The following BMPR1B variants were observed in gnomAD, a reference collection of about 807,000 sequenced individuals.
BMPR1B encodes the protein bone morphogenetic protein receptor type 1B, also known as bone morphogenetic protein receptor type-1B.
BMPR1B carries 12 observed loss-of-function variants against 59.1 expected under a neutral mutation model. The ratio of observed to expected loss-of-function variants is 0.20; its 90% CI spans 0.13 to 0.33. The LOEUF (loss-of-function observed/expected upper bound fraction) is 0.33, where lower values mean the gene tolerates loss of function less well. Ranked by LOEUF, BMPR1B falls within the 10% of genes least tolerant of loss-of-function variation. The probability of loss-of-function intolerance (pLI) is 1.00; values close to 1 mark genes in which losing one functional copy is unlikely to be tolerated. For synonymous variants in BMPR1B, 237 were observed against 207.3 expected, an observed-to-expected ratio of 1.14 and a Z score of -1.23; for missense variants, 550 against 610.9, an observed-to-expected ratio of 0.90 and a Z score of 1.05.
chr4:95,038,813 C>A (rs910839040), intron 3 of BMPR1B, among the ~76,000 whole-genome samples: 1 of 152,036 alleles, frequency 6.6e-6, no homozygotes, highest in Non-Finnish European at 1.5e-5. Context: ...TTTTGGGAGA[C>A]CTCAGAGAGG....
At chr4:95,151,289 G>A (rs1029255438) in intron 11 of BMPR1B, among the ~76,000 whole-genome samples, 2 of 152,156 alleles carry the variant, frequency 1.3e-5, no homozygotes, top group Admixed American at 1.3e-4. Flanking sequence ...CTCTGCCTTC[G>A]TCTGTTGTAG....
chr4:94,954,697 T>G (rs2149059087), intron 2 of BMPR1B, among the ~76,000 whole-genome samples: 1 of 152,324 alleles, frequency 6.6e-6, no homozygotes, highest in South Asian at 2.1e-4. Flanking sequence ...TTATATTTTC[T>G]GTGTCTCCCT....
intron 3 of BMPR1B, among the ~76,000 whole-genome samples, chr4:95,023,604 C>G (rs773313639): frequency 6.6e-6 from 1 of 151,768 alleles, no homozygotes; most frequent in African/African-American, 2.4e-5. Context: ...CCAGGCTGGT[C>G]TTGAACTCCT....
chr4:94,829,750 G>A (rs1297541064), intron 1 of BMPR1B, among the ~76,000 whole-genome samples: 2 of 152,194 alleles, frequency 1.3e-5, no homozygotes, highest in Non-Finnish European at 1.5e-5. Flanking sequence ...AGTCCAAGGT[G>A]CTAAGGGAAA....
chr4:94,823,998 G>A (rs1724299650), intron 1 of BMPR1B, among the ~76,000 whole-genome samples: 1 of 152,118 alleles, frequency 6.6e-6, no homozygotes, highest in South Asian at 2.1e-4. Flanking sequence ...CACCCGCCTT[G>A]GCCTCCCAAA....
At chr4:94,886,315 T>A (rs1291779402) in intron 2 of BMPR1B, among the ~76,000 whole-genome samples, 1 of 152,194 alleles carries the variant, frequency 6.6e-6, no homozygotes, top group East Asian at 1.9e-4. Context: ...GAAGTCTGGT[T>A]TAAATTTTTT....
intron 2 of BMPR1B, among the ~76,000 whole-genome samples, chr4:94,913,191 A>G (rs931550530): frequency 2.0e-5 from 3 of 152,146 alleles, no homozygotes; most frequent in Non-Finnish European, 4.4e-5. Flanking sequence ...ACATATATGT[A>G]TAGTGTAGCT....
At chr4:94,804,456 A>G (rs1191695802) in intron 1 of BMPR1B, among the ~76,000 whole-genome samples, 2 of 152,216 alleles carry the variant, frequency 1.3e-5, no homozygotes, top group African/African-American at 2.4e-5. Flanking sequence ...ATTGATTTCT[A>G]ATAGAAAATA....
intron 3 of BMPR1B, among the ~76,000 whole-genome samples, chr4:95,043,131 C>T (rs1381472591): frequency 3.0e-5 from 4 of 133,772 alleles, no homozygotes; most frequent in African/African-American, 8.2e-5. Context: ...GCCGAGATTG[C>T]GCCACTGCAG....
intron 2 of BMPR1B, among the ~76,000 whole-genome samples, chr4:94,948,398 T>C (rs1295065493): frequency 6.6e-6 from 1 of 152,190 alleles, no homozygotes; most frequent in Non-Finnish European, 1.5e-5. Flanking sequence ...TTCATAGTTC[T>C]TTGAGTCTGT....
At chr4:94,901,401 G>A (rs1344116687) in intron 2 of BMPR1B, among the ~76,000 whole-genome samples, 1 of 151,928 alleles carries the variant, frequency 6.6e-6, no homozygotes, top group Non-Finnish European at 1.5e-5. Flanking sequence ...TTGTGGAGAA[G>A]GAGTGCCTAA....
chr4:95,114,232 T>C (rs887296483), intron 4 of BMPR1B, among the ~76,000 whole-genome samples: 26 of 152,264 alleles, frequency 1.7e-4, no homozygotes, highest in African/African-American at 6.0e-4. Context: ...GTATAAACAG[T>C]CACCTGCCTG....
At chr4:94,771,622 TTAAA>T (rs1406937307) in intron 1 of BMPR1B, among the ~76,000 whole-genome samples, 1 of 152,210 alleles carries the variant, frequency 6.6e-6, no homozygotes, top group Non-Finnish European at 1.5e-5. Context: ...ATTTTGAACT[TTAAA>T]TGATGTAATC....
At chr4:95,014,540 T>C (rs550610785) in intron 3 of BMPR1B, among the ~76,000 whole-genome samples, 6 of 152,344 alleles carry the variant, frequency 3.9e-5, no homozygotes, top group Non-Finnish European at 8.8e-5. Context: ...TTGTAGCTTA[T>C]ACAGAGTGAA....
intron 1 of BMPR1B, among the ~76,000 whole-genome samples, chr4:94,829,048 A>G (rs1276648088): frequency 1.3e-5 from 2 of 152,032 alleles, no homozygotes; most frequent in Admixed American, 6.6e-5. Context: ...GTATAATGAA[A>G]AAGGTGTTGA....
intron 2 of BMPR1B, among the ~76,000 whole-genome samples, chr4:94,961,220 A>G (rs1055475365): frequency 2.0e-5 from 3 of 152,142 alleles, no homozygotes; most frequent in Non-Finnish European, 4.4e-5. Context: ...GATGGTCTGC[A>G]GGCCAAATCT....
At chr4:94,834,677 A>G (rs759381801) in intron 1 of BMPR1B, among the ~76,000 whole-genome samples, 15 of 147,502 alleles carry the variant, frequency 1.0e-4, no homozygotes, top group Admixed American at 3.4e-4. Flanking sequence ...ACTGGAACCA[A>G]TAAAACGGTT....
At chr4:94,908,061 T>TTAAAAAAAAAAAAAAAAAAAAAAAA (rs1728115989) in intron 2 of BMPR1B, among the ~76,000 whole-genome samples, 1 of 46,256 alleles carries the variant, frequency 2.2e-5, no homozygotes, top group African/African-American at 7.2e-5. Flanking sequence ...ACCCTGTCTT[T>TTAAAAAAAAAAAAAAAAAAAAAAAA]AAAAAAAAAA....
chr4:94,943,209 C>T (rs939461107), intron 2 of BMPR1B, among the ~76,000 whole-genome samples: 7 of 151,626 alleles, frequency 4.6e-5, no homozygotes, highest in African/African-American at 1.5e-4. Flanking sequence ...GGCACGATCT[C>T]GGCTCACCGC....
Sources: gnomAD v4.1 joint callset for allele counts (sites outside exome capture counted in the v4.1 genomes callset) on GRCh38, gnomAD v4.1.1 for gene constraint, MANE v1.5 for transcripts, NCBI Gene and HGNC (gene_info 2026-07-23, HGNC 2026-07-21) for gene names.